The following CLIP3 variants were observed in gnomAD, a reference collection of about 807,000 sequenced individuals.
CLIP3 encodes CAP-Gly domain-containing linker protein 3.
A neutral mutation model predicts 59.4 loss-of-function variants in CLIP3; 15 were observed. The ratio of observed to expected loss-of-function variants is 0.25; its 90% CI spans 0.17 to 0.39. CLIP3 has a LOEUF of 0.39. CLIP3 is among the 10% of genes least tolerant of loss of function. The pLI is 1.00. For synonymous variants in CLIP3, 300 were observed against 321.6 expected, an observed-to-expected ratio of 0.93 and a Z score of 0.72; for missense variants, 495 against 765.7, an observed-to-expected ratio of 0.65 and a Z score of 4.17.
Position 36,021,013 on chromosome 19 carries a change from C to T in CLIP3, c.919-1707G>A, listed in dbSNP as rs184271611. Among the ~76,000 whole-genome samples the T allele has an allele frequency of 9.2e-5, 14 of 152,188 alleles. No homozygotes were observed. In the East Asian group the frequency reaches 2.5e-3, roughly 27 times the overall value. The stretch of plus-strand genomic sequence containing the variant: ...GGACTACAGGTGAACGCCACCAAAG[C>T]CTGGCTAATTAAAACAACAACAACA... On this transcript the variant is annotated intron_variant, in intron 7 of 13. Transcript: ENST00000360535.
chr19:36,025,610 T>A (rs915256253), intron 6 of CLIP3, among the ~76,000 whole-genome samples: 13 of 144,476 alleles, frequency 9.0e-5, no homozygotes, highest in Non-Finnish European at 1.5e-4. Flanking sequence ...AAAAAAAAAT[T>A]AGAGAGAGTG....
In CLIP3 at chr19:36,015,893, G is replaced by A. The variant is rs1056906350; in HGVS notation, c.*265C>T. The A allele has an allele frequency of 8.4e-5, 45 of 535,272 alleles. No homozygotes were observed. Among genetic ancestry groups the A allele is most frequent in the Non-Finnish European group, 1.4e-4 (40 of 295,932 alleles). 33.2% of individuals were successfully genotyped at this position (535,272 alleles called of 1,614,324 possible). ...GGTGATATGGAAATCTGTTAATCTG[G>A]GAATCTGCTCTGAGGGGTTGGGGAT... is the stretch of plus-strand genomic sequence containing the variant. On this transcript the variant is annotated 3_prime_UTR_variant, in exon 14 of 14. Coordinates refer to ENST00000360535, the MANE Select transcript of CLIP3 (RefSeq NM_015526.3).
At chr19:36,025,068 A>T (rs1053779635) in intron 6 of CLIP3, among the ~76,000 whole-genome samples, 1 of 150,838 alleles carries the variant, frequency 6.6e-6, no homozygotes, top group Non-Finnish European at 1.5e-5. Context: ...TCCGTCTCAA[A>T]AAAAAAAAAA....
At chr19:36,018,086 T>G (rs1457627527) in intron 9 of CLIP3, 95 bp from the exon 10 acceptor site, 4 of 1,412,312 alleles carry the variant, frequency 2.8e-6, no homozygotes, top group Non-Finnish European at 2.9e-6. Context: ...AAAACCCTGT[T>G]CTTCGTTTGA....
rs1256298351 is a variant in CLIP3 at position 36,026,399 on chromosome 19, C to T, written c.563-134G>A. Reference sequence around the variant, plus strand: ...AGAGCCCCGCCCCCACCTCGGAGCCCCCCTCTCCCTTGGCAGCCCCGACCC... The same window carrying T: ...AGAGCCCCGCCCCCACCTCGGAGCCTCCCTCTCCCTTGGCAGCCCCGACCC... On this transcript the variant is annotated intron_variant, in intron 5 of 13. Transcript: ENST00000360535. This position sits in a 1 kb window ranked among gnomAD's most constrained non-coding sequence, Gnocchi z 6.3. The T allele has an allele frequency of 9.1e-7, 1 of 1,097,888 alleles. No homozygotes were observed. The highest frequency in any genetic ancestry group is 1.3e-6 in the Non-Finnish European group (1 of 760,012). The allele number at this position is 1,097,888 out of a possible 1,614,324, so 68.0% of individuals were successfully genotyped here.
At chr19:36,018,084 G>T in intron 9 of CLIP3, 93 bp from the exon 10 acceptor site, 4 of 1,426,158 alleles carry the variant, frequency 2.8e-6, no homozygotes, top group Non-Finnish European at 3.8e-6. Flanking sequence ...AGAAAACCCT[G>T]TTCTTCGTTT....
At position 36,024,539 on chromosome 19, in the gene CLIP3, G is replaced by T; in HGVS notation, c.775C>A (p.Arg259=). The stretch of plus-strand genomic sequence containing the variant: ...GGCACTGCCTCTTCCAGAAGCGTCC[G>T]CAGCTCCTTGGCCACCAGTGCCGCC... ...AEAALVAKEL[R]TLLEEAVPLS... Residue 259 remains arginine (R), a synonymous_variant, in exon 7 of 14, where the codon CGG becomes AGG. Transcript: ENST00000360535. 6.2e-7 allele frequency: 1 copy of T among 1,614,252 alleles called. No individual in the cohort carries two copies. Among genetic ancestry groups the T allele is most frequent in the Non-Finnish European group, 8.5e-7 (1 of 1,180,046 alleles).
At position 36,017,375 on chromosome 19, in the gene CLIP3, C is replaced by G. The variant is rs758022688; in HGVS notation, c.1516+11G>C. The G allele has an allele frequency of 6.2e-7, 1 of 1,613,792 alleles. No individual in the cohort carries two copies. Among genetic ancestry groups the G allele is most frequent in the East Asian group, 2.2e-5 (1 of 44,886 alleles). On this transcript the variant is annotated intron_variant, in intron 12 of 13. Transcript: ENST00000360535. ...CGTACACTCCTCCCAACATATCATC[C>G]CCTAACTCACTTGTCACTTGATGCA...
At chr19:36,024,091 C>T (rs1165133294) in intron 7 of CLIP3, among the ~76,000 whole-genome samples, 2 of 152,200 alleles carry the variant, frequency 1.3e-5, no homozygotes, top group Admixed American at 1.3e-4. Flanking sequence ...CGGGGGGAGC[C>T]ACAGGTGCAC....
Position 36,019,512 on chromosome 19 carries a change from C to T in CLIP3, c.919-206G>A. The T allele has an allele frequency of 2.4e-5, 16 of 656,450 alleles. No individual in the cohort carries two copies. In the South Asian group the frequency reaches 2.8e-4, roughly 12 times the overall value. 40.7% of individuals were successfully genotyped at this position (656,450 alleles called of 1,614,324 possible). Reference sequence around the variant, plus strand: ...AAATGGGAACAGAAATTATACTCACCTTATAGGATTGTTAAAGAGTTGCCC... The same window carrying T: ...AAATGGGAACAGAAATTATACTCACTTTATAGGATTGTTAAAGAGTTGCCC... On this transcript the variant is annotated intron_variant, in intron 7 of 13. Transcript: ENST00000360535.
intron 7 of CLIP3, among the ~76,000 whole-genome samples, chr19:36,021,381 C>T (rs1264996311): frequency 6.6e-6 from 1 of 152,074 alleles, no homozygotes; most frequent in Non-Finnish European, 1.5e-5. Context: ...AACTCCTGGG[C>T]ACAAGTGATC....
At chr19:36,023,803 C>T (rs1391704828) in intron 7 of CLIP3, among the ~76,000 whole-genome samples, 1 of 152,168 alleles carries the variant, frequency 6.6e-6, no homozygotes, top group Non-Finnish European at 1.5e-5. Context: ...CACAGCCCTC[C>T]CTCCCTAAGG....
Position 36,027,203 on chromosome 19 carries a change from G to T in CLIP3, c.235C>A (p.Pro79Thr). The T allele has an allele frequency of 6.2e-7, 1 of 1,613,954 alleles. No homozygotes were observed. Among genetic ancestry groups the T allele is most frequent in the Non-Finnish European group, 8.5e-7 (1 of 1,179,918 alleles). Residue 79 changes from proline (P) to threonine (T), a missense_variant, in exon 3 of 14, where the codon CCC becomes ACC. Transcript: ENST00000360535. ...EILFDPQTTI[P>T]ELFAIVRQWV... Reference sequence around the variant, plus strand: ...TGGCGCACAATGGCAAACAGCTCGGGGATGGTGGTCTGAGGGTCAAACAGG... The same window carrying T: ...TGGCGCACAATGGCAAACAGCTCGGTGATGGTGGTCTGAGGGTCAAACAGG...
Position 36,032,262 on chromosome 19 carries a change from G to A in CLIP3, c.96C>T (p.Ser32=). 1 of 1,302,124 alleles carries A rather than the reference G, an allele frequency of 7.7e-7. No homozygotes were observed. The highest frequency in any genetic ancestry group is 9.8e-7 in the Non-Finnish European group (1 of 1,015,298). The allele number at this position is 1,302,124 out of a possible 1,614,324, so 80.7% of individuals were successfully genotyped here. ...EEDEPVPEAP[S]PTQERRQKPV... ...GCTTCTGCCGGCGCTCCTGGGTGGGGCTGGGGGCCTCGGGGACGGGTTCAT... is the reference window on the plus strand; with the variant it reads ...GCTTCTGCCGGCGCTCCTGGGTGGGACTGGGGGCCTCGGGGACGGGTTCAT... Residue 32 remains serine (S), a synonymous_variant, in exon 2 of 14, where the codon AGC becomes AGT. Coordinates refer to ENST00000360535, the MANE Select transcript of CLIP3 (RefSeq NM_015526.3). This position sits in a 1 kb window ranked among gnomAD's most constrained non-coding sequence, Gnocchi z 4.3.
chr19:36,023,425 TA>T (rs1445483139), intron 7 of CLIP3, among the ~76,000 whole-genome samples: 2 of 152,190 alleles, frequency 1.3e-5, no homozygotes, highest in Admixed American at 6.5e-5. Context: ...AGTTCTTTCC[TA>T]TCTCAGTTTG....
chr19:36,026,254 T>G lies in CLIP3; in HGVS notation c.574A>C (p.Thr192Pro). 1 of 1,612,836 alleles carries G rather than the reference T, an allele frequency of 6.2e-7. No homozygotes were observed. Among genetic ancestry groups the G allele is most frequent in the Non-Finnish European group, 8.5e-7 (1 of 1,179,340 alleles). Residue 192 changes from threonine to proline, a missense_variant, in exon 6 of 14, where the codon ACG becomes CCG. Coordinates refer to ENST00000360535, the MANE Select transcript of CLIP3 (RefSeq NM_015526.3). The surrounding 1 kb of genome is among the most constrained non-coding windows in gnomAD (Gnocchi z 6.3). ...KGARPRVVNSTCSDFNHGSAL... is the reference protein window; with the variant it reads ...KGARPRVVNSPCSDFNHGSAL... ...GAGCCGTGGTTGAAGTCACTGCACG[T>G]GGAGTTCACCACTGGAAGTGGGCAA...
In CLIP3 at chr19:36,015,526, G is replaced by T. The variant is rs1047951391; in HGVS notation, c.*632C>A. Reference sequence around the variant, plus strand: ...AATTAGCACTTCCAGGACTGTTTTGGTGTCTGTAAATTAGGGGTGACAGTG... The same window carrying T: ...AATTAGCACTTCCAGGACTGTTTTGTTGTCTGTAAATTAGGGGTGACAGTG... On this transcript the variant is annotated 3_prime_UTR_variant, in exon 14 of 14. Coordinates refer to ENST00000360535, the MANE Select transcript of CLIP3 (RefSeq NM_015526.3). 1 of 155,344 alleles carries T rather than the reference G, an allele frequency of 6.4e-6. No homozygotes were observed. The highest frequency in any genetic ancestry group is 2.4e-5 in the African/African-American group (1 of 41,394). 9.6% of individuals were successfully genotyped at this position (155,344 alleles called of 1,614,324 possible).
chr19:36,021,902 G>A (rs533950555), intron 7 of CLIP3, among the ~76,000 whole-genome samples: 9 of 151,188 alleles, frequency 6.0e-5, no homozygotes, highest in South Asian at 4.2e-4. Flanking sequence ...TTTTGGAGAC[G>A]GAGTCTCACA....
chr19:36,018,466 C>G (rs1968859578), intron 9 of CLIP3, among the ~76,000 whole-genome samples: 1 of 151,766 alleles, frequency 6.6e-6, no homozygotes, highest in Non-Finnish European at 1.5e-5. Flanking sequence ...CCTGTAATCC[C>G]AGCTACTCGG....
Sources: gnomAD v4.1 joint callset for allele counts (sites outside exome capture counted in the v4.1 genomes callset) on GRCh38, gnomAD v4.1.1 for gene constraint, Gnocchi (gnomAD v3.1) non-coding constraint, MANE v1.5 for transcripts, NCBI Gene and HGNC (gene_info 2026-07-23, HGNC 2026-07-21) for gene names.